Variants in AGBL1 observed in about 807,000 individuals in gnomAD.
AGBL1 encodes cytosolic carboxypeptidase 4.
Under a neutral mutation model 118.9 loss-of-function variants are expected in AGBL1, and 130 were observed. The ratio of observed to expected loss-of-function variants is 1.09; its 90% CI spans 0.95 to 1.26. The LOEUF (loss-of-function observed/expected upper bound fraction) is 1.26, where lower values mean the gene tolerates loss of function less well. Ranked by LOEUF, AGBL1 falls within the 50% of genes most tolerant of loss-of-function variation. The probability of loss-of-function intolerance (pLI) is 0.00; values close to 1 mark genes in which losing one functional copy is unlikely to be tolerated. For synonymous variants in AGBL1, 555 were observed against 478.9 expected, an observed-to-expected ratio of 1.16 and a Z score of -2.08; for missense variants, 1,584 against 1,298.1, an observed-to-expected ratio of 1.22 and a Z score of -3.38.
At chr15:86,644,046 T>TA (rs540823493) in intron 21 of AGBL1, among the ~76,000 whole-genome samples, 1 of 152,118 alleles carries the variant, frequency 6.6e-6, no homozygotes, top group African/African-American at 2.4e-5. Flanking sequence ...TTTGGAGACT[T>TA]AAAAAAATTT....
chr15:86,312,809 C>G (rs1356234984), intron 17 of AGBL1, among the ~76,000 whole-genome samples: 1 of 152,206 alleles, frequency 6.6e-6, no homozygotes, highest in Non-Finnish European at 1.5e-5. Context: ...GCAGGGCTCT[C>G]TGTACCCCAG....
chr15:86,747,532 G>A (rs1306801149), intron 22 of AGBL1, among the ~76,000 whole-genome samples: 1 of 152,174 alleles, frequency 6.6e-6, no homozygotes, highest in Admixed American at 6.5e-5. Flanking sequence ...ACAACGTGCA[G>A]GTTTGTTACA....
At chr15:86,871,946 T>A (rs1021725064) in intron 22 of AGBL1, among the ~76,000 whole-genome samples, 1 of 152,246 alleles carries the variant, frequency 6.6e-6, no homozygotes, top group African/African-American at 2.4e-5. Context: ...TAGAAAATAC[T>A]TTGGTACATA....
intron 22 of AGBL1, among the ~76,000 whole-genome samples, chr15:86,846,076 A>T (rs2079313025): frequency 6.6e-6 from 1 of 152,210 alleles, no homozygotes. Flanking sequence ...AGTCTTTTGG[A>T]TGACAATTAC....
At chr15:86,636,373 G>A (rs1295964041) in intron 21 of AGBL1, among the ~76,000 whole-genome samples, 2 of 151,870 alleles carry the variant, frequency 1.3e-5, no homozygotes, top group African/African-American at 4.8e-5. Context: ...GTTTCATCTG[G>A]ACAATTTTAC....
intron 20 of AGBL1, among the ~76,000 whole-genome samples, chr15:86,551,562 A>T (rs891949565): frequency 6.6e-6 from 1 of 152,220 alleles, no homozygotes; most frequent in Non-Finnish European, 1.5e-5. Flanking sequence ...ATTAGTAATT[A>T]AAACTCTTCC....
intron 21 of AGBL1, among the ~76,000 whole-genome samples, chr15:86,626,465 G>A (rs77221016): frequency 0.031 from 4,651 of 152,208 alleles, 229 homozygotes; most frequent in African/African-American, 0.1. Context: ...AATAGTGAGA[G>A]CACATGAGAG....
chr15:86,267,060 G>T lies in AGBL1; in HGVS notation c.1822G>T (p.Ala608Ser). The change falls in exon 13 of 23, where the codon GCC becomes TCC. Residue 608 changes from alanine (A) to serine (S), a missense_variant. Physicochemically the swap from Ala to Ser is moderately conservative, Grantham distance 99 (BLOSUM62 1). Transcript: ENST00000614907. Reference sequence around the variant, plus strand: ...ATTTGAGTCAGGAAATCTTCGCAAAGCCATCCAAGTGCGTGAGTAAGTAAG... The same window carrying T: ...ATTTGAGTCAGGAAATCTTCGCAAATCCATCCAAGTGCGTGAGTAAGTAAG... Reference protein sequence around the residue: ...SKFESGNLRKAIQVREFEYDL... With the variant: ...SKFESGNLRKSIQVREFEYDL... 6.4e-7 allele frequency: 1 copy of T among 1,564,236 alleles called. No homozygotes were observed. The highest frequency in any genetic ancestry group is 1.4e-5 in the African/African-American group (1 of 73,884).
chr15:86,257,914 C>G, intron 8 of AGBL1, 50 bp from the exon 9 acceptor site: 1 of 1,580,538 alleles, frequency 6.3e-7, no homozygotes, highest in Non-Finnish European at 8.6e-7. Flanking sequence ...AATCCTAAAT[C>G]CCGGGCAAAG....
intron 23 of AGBL1, chr15:86,939,080 C>T (rs72754079): frequency 0.024 from 3,693 of 152,248 alleles, 71 homozygotes; most frequent in Middle Eastern, 0.054. Context: ...TTGTTTGGAT[C>T]CCTGCATAGC....
intron 15 of AGBL1, among the ~76,000 whole-genome samples, chr15:86,277,275 GGA>G (rs770220243): frequency 2.6e-5 from 3 of 114,274 alleles, no homozygotes; most frequent in African/African-American, 3.9e-5. Context: ...TAGCATGTTA[GGA>G]GAGAGAGAGA....
intron 22 of AGBL1, among the ~76,000 whole-genome samples, chr15:86,731,042 G>C (rs1386349196): frequency 6.6e-6 from 1 of 152,018 alleles, no homozygotes; most frequent in Non-Finnish European, 1.5e-5. Context: ...TGTTGGCCAG[G>C]CTGGTCTCAA....
chr15:86,638,308 T>A (rs1415456982), intron 21 of AGBL1, among the ~76,000 whole-genome samples: 1 of 152,240 alleles, frequency 6.6e-6, no homozygotes, highest in African/African-American at 2.4e-5. Context: ...TGAAATTTTC[T>A]ATGAATACTT....
Position 86,787,858 on chromosome 15 carries a change from CT to C in AGBL1, c.3158+113430del, listed in dbSNP as rs553608229. On this transcript the variant is annotated intron_variant, in intron 22 of 22. Coordinates refer to ENST00000614907, the MANE Select transcript of AGBL1 (RefSeq NM_001386094.1). ...AAGAATGTTTTATCAATACTTACAT[CT>C]TTTTTTTCTTCTTTGAATTTTTGAT... is the stretch of plus-strand genomic sequence containing the variant. 4.4e-3 allele frequency among the ~76,000 whole-genome samples: 667 copies of C among 152,086 alleles called. 2 individuals carry two copies. Among genetic ancestry groups the C allele is most frequent in the African/African-American group, 6.3e-3 (261 of 41,510 alleles).
chr15:86,385,337 T>C (rs1053715740), intron 17 of AGBL1, among the ~76,000 whole-genome samples: 1 of 152,212 alleles, frequency 6.6e-6, no homozygotes, highest in Non-Finnish European at 1.5e-5. Context: ...ATATCTCTGT[T>C]GAACAGGGAG....
chr15:86,396,278 T>C (rs1380014811), intron 17 of AGBL1, among the ~76,000 whole-genome samples: 4 of 149,798 alleles, frequency 2.7e-5, no homozygotes, highest in African/African-American at 7.4e-5. Flanking sequence ...CACACGTCAG[T>C]AAATGAATCA....
intron 18 of AGBL1, among the ~76,000 whole-genome samples, chr15:86,501,928 T>C (rs1424667551): frequency 1.3e-5 from 2 of 151,578 alleles, no homozygotes; most frequent in African/African-American, 4.8e-5. Flanking sequence ...CTTGTTCTTT[T>C]CATTTCCATG....
At chr15:86,986,031 C>G (rs1332194152) in intron 23 of AGBL1, among the ~76,000 whole-genome samples, 1 of 151,754 alleles carries the variant, frequency 6.6e-6, no homozygotes, top group Non-Finnish European at 1.5e-5. Flanking sequence ...TCAAGCCATT[C>G]TCCTGTCTCA....
intron 22 of AGBL1, among the ~76,000 whole-genome samples, chr15:86,790,572 GACC>G (rs1446537546): frequency 6.6e-6 from 1 of 152,124 alleles, no homozygotes; most frequent in Non-Finnish European, 1.5e-5. Context: ...TATAGATGAT[GACC>G]ATTTGGTCTC....
Sources: gnomAD v4.1 joint callset for allele counts (sites outside exome capture counted in the v4.1 genomes callset) on GRCh38, gnomAD v4.1.1 for gene constraint, MANE v1.5 for transcripts, NCBI Gene and HGNC (gene_info 2026-07-23, HGNC 2026-07-21) for gene names.